RPA3: variants seen among roughly 807,000 people sequenced by gnomAD.
RPA3 encodes replication protein A3.
A neutral mutation model predicts 13.7 loss-of-function variants in RPA3; 24 were observed. That is an observed-to-expected ratio of 1.75 (90% CI 1.27 to 2.46). The LOEUF is 2.46. Among genes scored for constraint, RPA3 ranks in the 30% most tolerant of loss-of-function variants. The pLI is 0.00. For missense variants in RPA3, 183 were observed against 151.0 expected (o/e 1.21, Z -1.11); for synonymous variants, 59 against 51.2 (o/e 1.15, Z -0.65).
At chr7:7,708,739 A>G (rs984453125) in intron 2 of RPA3, among the ~76,000 whole-genome samples, 4 of 152,136 alleles carry the variant, frequency 2.6e-5, no homozygotes, top group Non-Finnish European at 4.4e-5. Context: ...ACGAGCAACT[A>G]TGTTTATTGG....
intron 4 of RPA3, among the ~76,000 whole-genome samples, chr7:7,669,468 A>G (rs1779551512): frequency 6.6e-6 from 1 of 152,194 alleles, no homozygotes; most frequent in Non-Finnish European, 1.5e-5. Flanking sequence ...TTTGAGTGAT[A>G]TGAAAAGAAT....
chr7:7,710,405 A>G (rs1303580009), intron 2 of RPA3, among the ~76,000 whole-genome samples: 1 of 152,236 alleles, frequency 6.6e-6, no homozygotes, highest in African/African-American at 2.4e-5. Context: ...GAAAATGGGC[A>G]AAAGACATGA....
intron 1 of RPA3, among the ~76,000 whole-genome samples, chr7:7,716,598 G>A (rs1044969588): frequency 6.6e-6 from 1 of 152,212 alleles, no homozygotes. Context: ...TAAAGAGGCA[G>A]GCAACATGGT....
At chr7:7,679,659 T>G (rs1398272912) in intron 4 of RPA3, among the ~76,000 whole-genome samples, 1 of 115,154 alleles carries the variant, frequency 8.7e-6, no homozygotes, top group Non-Finnish European at 1.7e-5. Flanking sequence ...AATATATATT[T>G]ATATATTTAA....
At chr7:7,700,054 G>C (rs1252938158) in intron 2 of RPA3, among the ~76,000 whole-genome samples, 1 of 152,158 alleles carries the variant, frequency 6.6e-6, no homozygotes, top group Admixed American at 6.5e-5. Flanking sequence ...TACTTCTGTG[G>C]AGGGTGTCTT....
At chr7:7,664,123 T>C (rs1481508254) in intron 4 of RPA3, among the ~76,000 whole-genome samples, 1 of 152,250 alleles carries the variant, frequency 6.6e-6, no homozygotes, top group Non-Finnish European at 1.5e-5. Context: ...TTTTACATAA[T>C]AGCTGGATTT....
chr7:7,642,405 C>T (rs1784995096), intron 4 of RPA3, among the ~76,000 whole-genome samples: 1 of 152,044 alleles, frequency 6.6e-6, no homozygotes, highest in African/African-American at 2.4e-5. Flanking sequence ...CCCTCCCTCC[C>T]CCGTCTCCCT....
intron 4 of RPA3, among the ~76,000 whole-genome samples, chr7:7,672,414 A>G (rs1779629764): frequency 6.6e-6 from 1 of 152,130 alleles, no homozygotes; most frequent in Non-Finnish European, 1.5e-5. Context: ...CAATAATCTC[A>G]CCAACGCAAG....
chr7:7,650,269 C>G (rs1443837144), intron 4 of RPA3, among the ~76,000 whole-genome samples: 1 of 152,092 alleles, frequency 6.6e-6, no homozygotes, highest in East Asian at 1.9e-4. Flanking sequence ...TTGAAATTAC[C>G]CATATATTTA....
intron 4 of RPA3, among the ~76,000 whole-genome samples, chr7:7,665,897 G>C (rs1779441644): frequency 6.6e-6 from 1 of 151,096 alleles, no homozygotes; most frequent in Non-Finnish European, 1.5e-5. Context: ...TACCGAATGG[G>C]ATGCATATGG....
At chr7:7,655,757 T>C (rs1199871682) in intron 4 of RPA3, among the ~76,000 whole-genome samples, 1 of 151,986 alleles carries the variant, frequency 6.6e-6, no homozygotes, top group African/African-American at 2.4e-5. Flanking sequence ...AGGCTCTTTT[T>C]TATGTATTTT....
chr7:7,693,490 C>A (rs1272719370), intron 2 of RPA3, among the ~76,000 whole-genome samples: 1 of 152,066 alleles, frequency 6.6e-6, no homozygotes, highest in African/African-American at 2.4e-5. Flanking sequence ...ATTTGGGTTT[C>A]TCTCTCATGT....
intron 2 of RPA3, among the ~76,000 whole-genome samples, chr7:7,714,070 GT>G (rs1780831690): frequency 2.0e-5 from 3 of 152,194 alleles, no homozygotes; most frequent in Admixed American, 1.3e-4. Context: ...CAAAAATTGA[GT>G]TTTTTTGTGT....
At chr7:7,681,224 AT>A (rs1014469462) in intron 4 of RPA3, among the ~76,000 whole-genome samples, 1 of 152,136 alleles carries the variant, frequency 6.6e-6, no homozygotes, top group African/African-American at 2.4e-5. Flanking sequence ...TAAGCTATAA[AT>A]TATCTATTTT....
chr7:7,647,955 G>T (rs1409612671), intron 4 of RPA3, among the ~76,000 whole-genome samples: 3 of 152,196 alleles, frequency 2.0e-5, no homozygotes, highest in African/African-American at 7.2e-5. Flanking sequence ...AGACGTGCCA[G>T]CTGTGTTTTG....
At chr7:7,668,294 A>C (rs1164656598) in intron 4 of RPA3, among the ~76,000 whole-genome samples, 1 of 152,180 alleles carries the variant, frequency 6.6e-6, no homozygotes, top group African/African-American at 2.4e-5. Context: ...GAGATAGAGC[A>C]TACAGTAGTC....
intron 4 of RPA3, among the ~76,000 whole-genome samples, chr7:7,645,921 ATTC>A (rs1785083117): frequency 6.6e-6 from 1 of 152,038 alleles, no homozygotes; most frequent in Non-Finnish European, 1.5e-5. Flanking sequence ...AGACAGGAGA[ATTC>A]CCTGGACCCC....
chr7:7,708,463 CA>C (rs28912691), intron 2 of RPA3, among the ~76,000 whole-genome samples: 355 of 152,262 alleles, frequency 2.3e-3, no homozygotes, highest in African/African-American at 8.0e-3. Context: ...ATTTATTAGA[CA>C]GCATTTACCA....
rs1419535149 is a variant in RPA3 at position 7,714,847 on chromosome 7, A to ATT, written c.-1028+326_-1028+327dup. ...TTCCTCATGAACTGGTTGTTCAAAA[A>ATT]TTTTTCTTTTTTTTTTTTTTTTTTT... On this transcript the variant is annotated intron_variant, in intron 2 of 7. Coordinates refer to ENST00000223129, the MANE Select transcript of RPA3 (RefSeq NM_002947.5). Among the ~76,000 whole-genome samples, 3 of 145,268 alleles carry ATT rather than the reference A, an allele frequency of 2.1e-5. 1 individual carries two copies. The highest frequency in any genetic ancestry group is 7.7e-5 in the African/African-American group (3 of 39,180).
Sources: allele counts gnomAD v4.1 joint callset (sites outside exome capture counted in the v4.1 genomes callset), GRCh38; gene constraint gnomAD v4.1.1; transcripts MANE v1.5; gene names NCBI Gene and HGNC (gene_info 2026-07-23, HGNC 2026-07-21).